Variants in ADORA2B observed in about 807,000 individuals in gnomAD.
ADORA2B encodes the protein adenosine A2b receptor.
A neutral mutation model predicts 20.8 loss-of-function variants in ADORA2B; 18 were observed. The observed-to-expected ratio is 0.87, with a 90% CI of 0.60 to 1.29. The LOEUF is 1.29. Among genes scored for constraint, ADORA2B ranks in the 50% most tolerant of loss-of-function variants. The pLI is 0.00. For missense variants in ADORA2B, 441 were observed against 422.7 expected, an observed-to-expected ratio of 1.04 and a Z score of -0.38; for synonymous variants, 179 against 178.3, an observed-to-expected ratio of 1.00 and a Z score of -0.03.
chr17:15,902,257 G>A, the ADORA2B span, among the ~76,000 whole-genome samples: 1 of 151,696 alleles, frequency 6.6e-6, no homozygotes, highest in Non-Finnish European at 1.5e-5. Flanking sequence ...GTCATTCCAG[G>A]CTGGAGTGCA....
chr17:15,878,050 T>C, the ADORA2B span, among the ~76,000 whole-genome samples: 1 of 152,230 alleles, frequency 6.6e-6, no homozygotes, highest in East Asian at 1.9e-4. Flanking sequence ...CACAATGGAA[T>C]GAGACTGTGA....
At chr17:15,931,053 A>G in the ADORA2B span, among the ~76,000 whole-genome samples, 1 of 152,220 alleles carries the variant, frequency 6.6e-6, no homozygotes, top group Non-Finnish European at 1.5e-5. Flanking sequence ...ACTGTGGCTC[A>G]TGCCTGTAGT....
chr17:15,863,842 C>A, the ADORA2B span, among the ~76,000 whole-genome samples: 6 of 152,114 alleles, frequency 3.9e-5, no homozygotes, highest in African/African-American at 4.8e-5. Flanking sequence ...AAAACTCTCC[C>A]CAGACTCATG....
the ADORA2B span, among the ~76,000 whole-genome samples, chr17:15,876,005 C>T: frequency 1.3e-5 from 2 of 152,188 alleles, no homozygotes; most frequent in Admixed American, 6.5e-5. Flanking sequence ...GAGCCTCTGA[C>T]CTCCTCCATC....
chr17:15,929,050 C>T, the ADORA2B span, among the ~76,000 whole-genome samples: 6 of 152,028 alleles, frequency 3.9e-5, no homozygotes, highest in African/African-American at 1.4e-4. Context: ...AACAGACACC[C>T]CTTGAGAGAG....
intron 1 of ADORA2B, among the ~76,000 whole-genome samples, chr17:15,957,550 C>T (rs79394264): frequency 0.04 from 6,163 of 152,174 alleles, 419 homozygotes; most frequent in African/African-American, 0.14. Context: ...CCCAGATTTC[C>T]GGTCGCCTGG....
the ADORA2B span, among the ~76,000 whole-genome samples, chr17:15,918,058 G>C: frequency 6.6e-6 from 1 of 152,200 alleles, no homozygotes; most frequent in African/African-American, 2.4e-5. Context: ...CTATCTCGTG[G>C]TCCTGGGAGT....
At chr17:15,972,908 C>T (rs1053629210) in intron 1 of ADORA2B, among the ~76,000 whole-genome samples, 5 of 152,184 alleles carry the variant, frequency 3.3e-5, no homozygotes, top group Non-Finnish European at 1.5e-5. Flanking sequence ...CACAGATATA[C>T]ACCACCGTGC....
At chr17:15,939,457 C>T in the ADORA2B span, among the ~76,000 whole-genome samples, 3 of 152,186 alleles carry the variant, frequency 2.0e-5, no homozygotes, top group Non-Finnish European at 4.4e-5. Flanking sequence ...TTCTCTTCAC[C>T]ACCATCCTGG....
At chr17:15,856,149 C>T in the ADORA2B span, among the ~76,000 whole-genome samples, 1 of 150,840 alleles carries the variant, frequency 6.6e-6, no homozygotes, top group Non-Finnish European at 1.5e-5. Context: ...TGCTGTTCTT[C>T]GGATAGTGAG....
At chr17:15,910,280 C>T in the ADORA2B span, among the ~76,000 whole-genome samples, 1 of 151,992 alleles carries the variant, frequency 6.6e-6, no homozygotes, top group African/African-American at 2.4e-5. Flanking sequence ...GCTTTGAATG[C>T]GGCCCAACAC....
chr17:15,930,186 G>A, the ADORA2B span, among the ~76,000 whole-genome samples: 3 of 152,026 alleles, frequency 2.0e-5, no homozygotes, highest in African/African-American at 4.8e-5. Flanking sequence ...ATCCTGGGGC[G>A]ACCCTGTTGA....
chr17:15,898,567 C>T, the ADORA2B span, among the ~76,000 whole-genome samples: 6 of 151,452 alleles, frequency 4.0e-5, no homozygotes, highest in Non-Finnish European at 5.9e-5. Context: ...TGGGGTTTCA[C>T]CATGTTGGCC....
At chr17:15,860,348 G>A in the ADORA2B span, among the ~76,000 whole-genome samples, 14 of 152,078 alleles carry the variant, frequency 9.2e-5, no homozygotes, top group African/African-American at 1.9e-4. Context: ...TTATTGAACC[G>A]GGCCCTGTGG....
At chr17:15,906,768 T>A in the ADORA2B span, among the ~76,000 whole-genome samples, 66 of 152,348 alleles carry the variant, frequency 4.3e-4, no homozygotes, top group African/African-American at 1.5e-3. Context: ...TTCAAACAAA[T>A]GTCATGCATT....
the ADORA2B span, among the ~76,000 whole-genome samples, chr17:15,894,263 T>A: frequency 2.0e-5 from 3 of 152,196 alleles, no homozygotes; most frequent in South Asian, 6.2e-4. Flanking sequence ...TTATAACAAG[T>A]AAAGTTATTA....
At chr17:15,874,620 A>C in the ADORA2B span, among the ~76,000 whole-genome samples, 4 of 152,118 alleles carry the variant, frequency 2.6e-5, no homozygotes, top group Non-Finnish European at 5.9e-5. Context: ...TGAGCCCAAG[A>C]GTTCAAGGCT....
the ADORA2B span, among the ~76,000 whole-genome samples, chr17:15,890,445 T>C: frequency 2.8e-5 from 2 of 71,624 alleles, 1 homozygote; most frequent in Non-Finnish European, 5.8e-5. Context: ...TGTAGTCAGA[T>C]TTCTCATTCC....
the ADORA2B span, among the ~76,000 whole-genome samples, chr17:15,894,555 A>G: frequency 4.6e-5 from 7 of 152,376 alleles, no homozygotes; most frequent in Admixed American, 3.3e-4. Flanking sequence ...CAGGGCCTGC[A>G]GAGCTTCCAT....
Sources: allele counts gnomAD v4.1 joint callset (sites outside exome capture counted in the v4.1 genomes callset), GRCh38; gene constraint gnomAD v4.1.1; transcripts MANE v1.5; gene names NCBI Gene and HGNC (gene_info 2026-07-23, HGNC 2026-07-21).